Variants in ERBB4 observed in about 807,000 individuals in gnomAD.
The protein encoded by ERBB4 is erb-b2 receptor tyrosine kinase 4.
A neutral mutation model predicts 158.0 loss-of-function variants in ERBB4; 42 were observed. That is an observed-to-expected ratio of 0.27 (90% CI 0.21 to 0.34). The LOEUF (loss-of-function observed/expected upper bound fraction) is 0.34, where lower values mean the gene tolerates loss of function less well. ERBB4 is among the 10% of genes least tolerant of loss of function. The probability of loss-of-function intolerance (pLI) is 1.00; values close to 1 mark genes in which losing one functional copy is unlikely to be tolerated. For synonymous variants in ERBB4, 583 were observed against 558.7 expected, an observed-to-expected ratio of 1.04 and a Z score of -0.61; for missense variants, 1,333 against 1,624.1, an observed-to-expected ratio of 0.82 and a Z score of 3.08.
intron 19 of ERBB4, among the ~76,000 whole-genome samples, chr2:211,597,085 A>C (rs1194896206): frequency 6.6e-6 from 1 of 152,116 alleles, no homozygotes; most frequent in East Asian, 1.9e-4. Context: ...CACTCTATCG[A>C]GCGAGTATTT....
intron 12 of ERBB4, among the ~76,000 whole-genome samples, chr2:211,685,557 ATT>A (rs1398727451): frequency 6.6e-6 from 1 of 152,202 alleles, no homozygotes. Context: ...TGGACTGAAT[ATT>A]CCCATTTCAT....
At chr2:212,363,148 T>A (rs1191941813) in intron 1 of ERBB4, among the ~76,000 whole-genome samples, 1 of 151,416 alleles carries the variant, frequency 6.6e-6, no homozygotes, top group African/African-American at 2.4e-5. Flanking sequence ...AATTTAAATG[T>A]TTTTGGATAG....
chr2:212,106,772 T>G (rs906752897), intron 2 of ERBB4, among the ~76,000 whole-genome samples: 1 of 152,208 alleles, frequency 6.6e-6, no homozygotes, highest in Admixed American at 6.5e-5. Flanking sequence ...GTCTAGGGAC[T>G]TGGTGCCCTG....
intron 2 of ERBB4, among the ~76,000 whole-genome samples, chr2:211,981,698 T>C (rs1239116679): frequency 6.6e-6 from 1 of 152,180 alleles, no homozygotes; most frequent in African/African-American, 2.4e-5. Context: ...GACACTTTTG[T>C]ACATACCAAA....
intron 27 of ERBB4, among the ~76,000 whole-genome samples, chr2:211,385,453 T>C (rs2062665327): frequency 6.6e-6 from 1 of 152,172 alleles, no homozygotes; most frequent in Non-Finnish European, 1.5e-5. Context: ...TTTTTTATTA[T>C]TGCCCCTGCA....
rs115561711 is a variant in ERBB4 at position 212,225,755 on chromosome 2, C to T, written c.83-100852G>A. Among the ~76,000 whole-genome samples, 1,068 of 151,930 alleles carry T rather than the reference C, an allele frequency of 7.0e-3. 6 individuals are homozygous for T. The highest frequency in any genetic ancestry group is 0.02 in the Middle Eastern group (6 of 294). ...ACACTTTTACTATTCTTCCCTCTCT[C>T]ACTGCTTCCTTCTTTCTTTCTCTTT... On this transcript the variant is annotated intron_variant, in intron 1 of 27. Coordinates refer to ENST00000342788, the MANE Select transcript of ERBB4 (RefSeq NM_005235.3).
intron 16 of ERBB4, among the ~76,000 whole-genome samples, chr2:211,643,327 A>G (rs2070669468): frequency 1.3e-5 from 2 of 152,096 alleles, no homozygotes; most frequent in South Asian, 4.1e-4. Flanking sequence ...TCAGTGTACT[A>G]TCAAAACAGA....
chr2:212,482,233 C>T (rs1387254566), intron 1 of ERBB4, among the ~76,000 whole-genome samples: 1 of 152,074 alleles, frequency 6.6e-6, no homozygotes, highest in Non-Finnish European at 1.5e-5. Context: ...AAAAACAAAC[C>T]AACAAAAACT....
intron 1 of ERBB4, among the ~76,000 whole-genome samples, chr2:212,395,567 T>C (rs1000470848): frequency 6.6e-6 from 1 of 151,822 alleles, no homozygotes; most frequent in Non-Finnish European, 1.5e-5. Flanking sequence ...TTAGCATCTT[T>C]GGCTTGGGAG....
At position 211,925,508 on chromosome 2, in the gene ERBB4, A is replaced by C. The variant is rs1376098136; in HGVS notation, c.421+21922T>G. Among the ~76,000 whole-genome samples the C allele has an allele frequency of 2.7e-5, 4 of 149,904 alleles. No individual in the cohort carries two copies. In the South Asian group the frequency reaches 8.5e-4, roughly 32 times the overall value. On this transcript the variant is annotated intron_variant, in intron 3 of 27. Coordinates refer to ENST00000342788, the MANE Select transcript of ERBB4 (RefSeq NM_005235.3). ...GCAATTCTCCTGCCTCAGCCTCCCA[A>C]GTAGCTGGGATTACAGGCACCCGCC...
chr2:211,448,249 A>G (rs1343127020), intron 20 of ERBB4, among the ~76,000 whole-genome samples: 1 of 152,180 alleles, frequency 6.6e-6, no homozygotes, highest in African/African-American at 2.4e-5. Context: ...CTGGGATCAC[A>G]GGTGTGAGCC....
intron 2 of ERBB4, among the ~76,000 whole-genome samples, chr2:212,033,593 G>T (rs902794831): frequency 7.3e-5 from 11 of 151,700 alleles, no homozygotes; most frequent in African/African-American, 1.2e-4. Flanking sequence ...AAAATAAATT[G>T]AGTTATTTTA....
In ERBB4 at chr2:211,537,008, T is replaced by C. The variant is rs536708647; in HGVS notation, c.2487+24895A>G. On this transcript the variant is annotated intron_variant, in intron 20 of 27. Coordinates refer to ENST00000342788, the MANE Select transcript of ERBB4 (RefSeq NM_005235.3). ...AAGACAAAAGCTTTTCTTTATTCCT[T>C]GGTTGCAGCAATGCTAAATTCTAAA... is the stretch of plus-strand genomic sequence containing the variant. Among the ~76,000 whole-genome samples, 24 of 152,178 alleles carry C rather than the reference T, an allele frequency of 1.6e-4. No individual in the cohort carries two copies. In the East Asian group the frequency reaches 4.6e-3, roughly 29 times the overall value.
At chr2:211,618,676 TG>T (rs2069483367) in intron 19 of ERBB4, among the ~76,000 whole-genome samples, 1 of 152,132 alleles carries the variant, frequency 6.6e-6, no homozygotes, top group Non-Finnish European at 1.5e-5. Flanking sequence ...GTGAATTATT[TG>T]TAACAGTGTT....
chr2:211,860,882 A>T (rs918320270), intron 3 of ERBB4, among the ~76,000 whole-genome samples: 9 of 141,696 alleles, frequency 6.4e-5, no homozygotes, highest in Non-Finnish European at 6.0e-5. Flanking sequence ...TTTCTCTGAA[A>T]TAAAAAATAC....
At chr2:212,081,697 A>G (rs2078448124) in intron 2 of ERBB4, among the ~76,000 whole-genome samples, 1 of 152,148 alleles carries the variant, frequency 6.6e-6, no homozygotes, top group South Asian at 2.1e-4. Context: ...TATTTAGGGT[A>G]ATGCTTGTCA....
At chr2:212,332,641 T>C (rs1330392614) in intron 1 of ERBB4, among the ~76,000 whole-genome samples, 2 of 152,066 alleles carry the variant, frequency 1.3e-5, no homozygotes, top group East Asian at 3.9e-4. Context: ...CTGGCATTAT[T>C]CTTATGATCC....
At chr2:212,133,785 C>A (rs75774100) in intron 1 of ERBB4, among the ~76,000 whole-genome samples, 1 of 151,482 alleles carries the variant, frequency 6.6e-6, no homozygotes, top group Non-Finnish European at 1.5e-5. Context: ...AAAGTGGGAC[C>A]CTTTCCCTAC....
intron 1 of ERBB4, among the ~76,000 whole-genome samples, chr2:212,534,641 T>C (rs966729272): frequency 3.3e-5 from 5 of 152,040 alleles, no homozygotes; most frequent in African/African-American, 9.7e-5. Context: ...AACAATATAC[T>C]TAGTGGCGGA....
Sources: allele counts gnomAD v4.1 joint callset (sites outside exome capture counted in the v4.1 genomes callset), GRCh38; gene constraint gnomAD v4.1.1; transcripts MANE v1.5; gene names NCBI Gene and HGNC (gene_info 2026-07-23, HGNC 2026-07-21).